The following CDH13 variants were observed in gnomAD, a reference collection of about 807,000 sequenced individuals.
The protein encoded by CDH13 is cadherin-13.
CDH13 carries 24 observed loss-of-function variants against 63.8 expected under a neutral mutation model. The observed-to-expected ratio is 0.38, with a 90% CI of 0.27 to 0.53. CDH13 has a LOEUF of 0.53. CDH13 is among the 20% of genes least tolerant of loss of function. The pLI is 0.85. For synonymous variants in CDH13, 503 were observed against 355.3 expected, an observed-to-expected ratio of 1.42 and a Z score of -4.67; for missense variants, 1,049 against 903.1, an observed-to-expected ratio of 1.16 and a Z score of -2.07.
Position 82,791,193 on chromosome 16 carries a change from C to G in CDH13, c.46-67169C>G, listed in dbSNP as rs12443581. On this transcript the variant is annotated intron_variant, in intron 1 of 13. Coordinates refer to ENST00000567109, the MANE Select transcript of CDH13 (RefSeq NM_001257.5). ...CGGAGCTTGCCGTGAGCAGAGATCA[C>G]GCCACTGCACTCCAGCCTGGGCGAC... Among the ~76,000 whole-genome samples, 20 of 149,040 alleles carry G rather than the reference C, an allele frequency of 1.3e-4. No homozygotes were observed. The South Asian group carries it at 3.8e-3, about 28-fold the overall frequency.
At chr16:82,815,555 T>C (rs1043770510) in intron 1 of CDH13, among the ~76,000 whole-genome samples, 17 of 152,206 alleles carry the variant, frequency 1.1e-4, no homozygotes, top group African/African-American at 2.9e-4. Context: ...GCTGGTTTCA[T>C]TAAAGCCCAC....
At chr16:82,689,362 T>C (rs1915406530) in intron 1 of CDH13, among the ~76,000 whole-genome samples, 1 of 152,200 alleles carries the variant, frequency 6.6e-6, no homozygotes, top group Non-Finnish European at 1.5e-5. Context: ...TCATCCACTC[T>C]TACAGAAAGC....
intron 1 of CDH13, among the ~76,000 whole-genome samples, chr16:82,772,193 A>G (rs773751198): frequency 6.6e-6 from 1 of 152,080 alleles, no homozygotes; most frequent in Non-Finnish European, 1.5e-5. Flanking sequence ...GAGAGTATCT[A>G]CACCATGGAA....
chr16:83,280,447 C>G (rs539229077), intron 5 of CDH13, among the ~76,000 whole-genome samples: 3 of 152,312 alleles, frequency 2.0e-5, no homozygotes, highest in African/African-American at 7.2e-5. Flanking sequence ...TTCTAGCTCT[C>G]GTACTGTTTC....
At chr16:83,316,861 G>C (rs964901865) in intron 5 of CDH13, among the ~76,000 whole-genome samples, 3 of 152,160 alleles carry the variant, frequency 2.0e-5, no homozygotes, top group Non-Finnish European at 2.9e-5. Flanking sequence ...ATGTTGATCA[G>C]CTGAGCTTCA....
chr16:83,259,684 T>G (rs563157405), intron 5 of CDH13, among the ~76,000 whole-genome samples: 74 of 152,320 alleles, frequency 4.9e-4, no homozygotes, highest in African/African-American at 1.7e-3. Context: ...TTAGAGTACA[T>G]GTGCACAATG....
At chr16:83,594,773 G>A (rs116796963) in intron 7 of CDH13, among the ~76,000 whole-genome samples, 1 of 152,142 alleles carries the variant, frequency 6.6e-6, no homozygotes, top group African/African-American at 2.4e-5. Context: ...TAAATGTTCT[G>A]TTAAATGCAT....
chr16:83,627,291 G>T (rs768329684), intron 8 of CDH13, among the ~76,000 whole-genome samples: 1 of 151,818 alleles, frequency 6.6e-6, no homozygotes, highest in Non-Finnish European at 1.5e-5. Context: ...CTCCGTCTCC[G>T]GGGAAGAAAA....
chr16:82,993,786 G>T (rs1911911213), intron 2 of CDH13, among the ~76,000 whole-genome samples: 1 of 152,106 alleles, frequency 6.6e-6, no homozygotes, highest in Non-Finnish European at 1.5e-5. Flanking sequence ...GCATTGGCAG[G>T]ATCTAACAAG....
At chr16:82,680,117 C>T (rs1370186798) in intron 1 of CDH13, among the ~76,000 whole-genome samples, 1 of 152,152 alleles carries the variant, frequency 6.6e-6, no homozygotes, top group Non-Finnish European at 1.5e-5. Flanking sequence ...CAGCGTAGGT[C>T]ATTGTTGGCT....
chr16:83,067,871 C>T (rs1280832542), intron 3 of CDH13, among the ~76,000 whole-genome samples: 3 of 152,116 alleles, frequency 2.0e-5, no homozygotes, highest in African/African-American at 7.2e-5. Context: ...GCCTCCCATC[C>T]CCTCTATCCT....
At chr16:83,426,536 C>T in intron 6 of CDH13, among the ~76,000 whole-genome samples, 1 of 151,890 alleles carries the variant, frequency 6.6e-6, no homozygotes, top group East Asian at 1.9e-4. Context: ...CACACACACA[C>T]ACACACACTC....
At chr16:83,107,476 C>A (rs2034828667) in intron 3 of CDH13, among the ~76,000 whole-genome samples, 2 of 152,178 alleles carry the variant, frequency 1.3e-5, no homozygotes, top group South Asian at 4.1e-4. Flanking sequence ...TCCAGGTAGA[C>A]CAATGCAGCC....
At chr16:83,248,389 C>T (rs1382356118) in intron 5 of CDH13, among the ~76,000 whole-genome samples, 1 of 152,108 alleles carries the variant, frequency 6.6e-6, no homozygotes, top group African/African-American at 2.4e-5. Flanking sequence ...GGGAGCTTAT[C>T]AGAAACTTCC....
rs1356279768 is a variant in CDH13 at position 82,787,588 on chromosome 16, A to G, written c.46-70774A>G. Among the ~76,000 whole-genome samples the G allele has an allele frequency of 3.9e-5, 6 of 152,190 alleles. No homozygotes were observed. In the East Asian group the frequency reaches 9.6e-4, roughly 24 times the overall value. Reference sequence around the variant, plus strand: ...TTATTGTATGCTAGACATATGCATCACCTCACTTCAGAATTAGCCTATGAA... The same window carrying G: ...TTATTGTATGCTAGACATATGCATCGCCTCACTTCAGAATTAGCCTATGAA... On this transcript the variant is annotated intron_variant, in intron 1 of 13. Coordinates refer to ENST00000567109, the MANE Select transcript of CDH13 (RefSeq NM_001257.5).
At chr16:82,709,624 C>G (rs1283685745) in intron 1 of CDH13, among the ~76,000 whole-genome samples, 1 of 152,116 alleles carries the variant, frequency 6.6e-6, no homozygotes, top group East Asian at 1.9e-4. Context: ...AGTATTTGGC[C>G]CAGCGACTGC....
rs554247139 is a variant in CDH13 at position 83,774,698 on chromosome 16, T to A, written c.1682-5270T>A. 3.2e-4 allele frequency among the ~76,000 whole-genome samples: 49 copies of A among 151,854 alleles called. No homozygotes were observed. The East Asian group carries it at 6.8e-3, about 21-fold the overall frequency. ...CTACCATTTATTTGTGAAAAAAAAA[T>A]AAAAAATTCCACTTACATGGGTTCC... On this transcript the variant is annotated intron_variant, in intron 11 of 13. Transcript: ENST00000567109.
At chr16:83,511,337 C>G (rs970866285) in intron 7 of CDH13, among the ~76,000 whole-genome samples, 1 of 152,050 alleles carries the variant, frequency 6.6e-6, no homozygotes, top group Non-Finnish European at 1.5e-5. Context: ...TGGCAGGTGC[C>G]TGTAACCCCA....
At chr16:83,296,736 A>G (rs1421252233) in intron 5 of CDH13, among the ~76,000 whole-genome samples, 1 of 152,156 alleles carries the variant, frequency 6.6e-6, no homozygotes, top group East Asian at 1.9e-4. Context: ...CAATCTCACT[A>G]CTATTTGAAT....
Sources: allele counts gnomAD v4.1 joint callset (sites outside exome capture counted in the v4.1 genomes callset), GRCh38; gene constraint gnomAD v4.1.1; transcripts MANE v1.5; gene names NCBI Gene and HGNC (gene_info 2026-07-23, HGNC 2026-07-21).